The following BMPR2 variants were observed in gnomAD, a reference collection of about 807,000 sequenced individuals.
The protein encoded by BMPR2 is bone morphogenetic protein receptor type 2, also known as bone morphogenetic protein receptor type-2.
In BMPR2, 29 loss-of-function variants were observed where a neutral mutation model predicts 100.8. That is an observed-to-expected ratio of 0.29 (90% CI 0.21 to 0.39). The LOEUF is 0.39. BMPR2 is among the 10% of genes least tolerant of loss of function. The pLI, the probability that BMPR2 is intolerant of heterozygous loss-of-function variation, is 1.00. For synonymous variants in BMPR2, 382 were observed against 442.3 expected, an observed-to-expected ratio of 0.86 and a Z score of 1.71; for missense variants, 1,011 against 1,274.5, an observed-to-expected ratio of 0.79 and a Z score of 3.15.
At chr2:202,496,544 C>T (rs543494909) in intron 3 of BMPR2, among the ~76,000 whole-genome samples, 1 of 152,292 alleles carries the variant, frequency 6.6e-6, no homozygotes, top group East Asian at 1.9e-4. Flanking sequence ...ACTTCTAAAA[C>T]TTGTTCACTG....
intron 3 of BMPR2, among the ~76,000 whole-genome samples, chr2:202,506,549 C>G (rs1031621094): frequency 6.6e-6 from 1 of 152,138 alleles, no homozygotes; most frequent in East Asian, 1.9e-4. Flanking sequence ...AAGGTTCTAC[C>G]TCCATATACT....
At chr2:202,424,634 T>G (rs1308964985) in intron 1 of BMPR2, among the ~76,000 whole-genome samples, 1 of 151,930 alleles carries the variant, frequency 6.6e-6, no homozygotes, top group African/African-American at 2.4e-5. Context: ...AGGTGGAGGT[T>G]GCAGTGAGCT....
At chr2:202,424,992 T>A (rs1435442446) in intron 1 of BMPR2, among the ~76,000 whole-genome samples, 1 of 151,928 alleles carries the variant, frequency 6.6e-6, no homozygotes, top group Non-Finnish European at 1.5e-5. Flanking sequence ...GGAGTCTCGC[T>A]CTGTCGCCCG....
chr2:202,425,624 T>C (rs187064516), intron 1 of BMPR2, among the ~76,000 whole-genome samples: 2 of 152,048 alleles, frequency 1.3e-5, no homozygotes, highest in African/African-American at 4.8e-5. Flanking sequence ...TGTGGAGGAG[T>C]TGGTGAGTGG....
chr2:202,489,950 T>G (rs1414226823), intron 3 of BMPR2, among the ~76,000 whole-genome samples: 1 of 152,176 alleles, frequency 6.6e-6, no homozygotes, highest in Non-Finnish European at 1.5e-5. Context: ...AATCATAGGT[T>G]TGTAGAACAG....
At chr2:202,488,530 C>T (rs1692828058) in intron 3 of BMPR2, among the ~76,000 whole-genome samples, 1 of 152,030 alleles carries the variant, frequency 6.6e-6, no homozygotes, top group Non-Finnish European at 1.5e-5. Context: ...ATGATCATAG[C>T]TCACAGCAGC....
chr2:202,560,068 A>C lies in BMPR2; in HGVS notation c.*122A>C, dbSNP rs1008109527. 4 of 1,224,534 alleles carry C rather than the reference A, an allele frequency of 3.3e-6. No homozygotes were observed. In the Admixed American group the frequency reaches 9.2e-5, roughly 28 times the overall value. The allele number at this position is 1,224,534 out of a possible 1,614,324, so 75.9% of individuals were successfully genotyped here. Reference sequence around the variant, plus strand: ...CAGCACCCCCTCCCACCCCTGCAACAAAGACTTGCTTTAAATAGATTTCAG... The same window carrying C: ...CAGCACCCCCTCCCACCCCTGCAACCAAGACTTGCTTTAAATAGATTTCAG... On this transcript the variant is annotated 3_prime_UTR_variant, in exon 13 of 13. Coordinates refer to ENST00000374580, the MANE Select transcript of BMPR2 (RefSeq NM_001204.7).
In BMPR2 at chr2:202,520,128, G is replaced by C; in HGVS notation, c.894G>C (p.Trp298Cys). 6.2e-7 allele frequency: 1 copy of C among 1,613,332 alleles called. No homozygotes were observed. The highest frequency in any genetic ancestry group is 8.5e-7 in the Non-Finnish European group (1 of 1,179,918). Residue 298 changes from tryptophan to cysteine, a missense_variant, in exon 7 of 13, where the codon TGG becomes TGC. By Grantham distance (215) the Trp-to-Cys change is radical (BLOSUM62 -2). Transcript: ENST00000374580. The part of the protein sequence containing the change: ...CKYLSLHTSD[W>C]VSSCRLAHSV... ...ATTTAAGTCTCCACACAAGTGACTG[G>C]GTAAGCTCTTGCCGTCTTGCTCATT...
At position 202,552,467 on chromosome 2, in the gene BMPR2, C is replaced by G. The variant is rs144348878; in HGVS notation, c.1414-249C>G. On this transcript the variant is annotated intron_variant, in intron 10 of 12. Coordinates refer to ENST00000374580, the MANE Select transcript of BMPR2 (RefSeq NM_001204.7). ...TAAACCTGTGGCCTTGAAGAAACAT[C>G]TACGACTTATTGTTGCTTTTACTTT... is the stretch of plus-strand genomic sequence containing the variant. Among the ~76,000 whole-genome samples, 143 of 152,338 alleles carry G rather than the reference C, an allele frequency of 9.4e-4. 1 individual carries two copies. The Middle Eastern group carries it at 0.01, about 11-fold the overall frequency.
At chr2:202,454,718 T>A (rs1315197457) in intron 1 of BMPR2, among the ~76,000 whole-genome samples, 1 of 152,190 alleles carries the variant, frequency 6.6e-6, no homozygotes, top group Non-Finnish European at 1.5e-5. Context: ...ACAATTTTGT[T>A]TATATATAGT....
At chr2:202,535,569 C>T (rs1016559782) in intron 9 of BMPR2, among the ~76,000 whole-genome samples, 3 of 151,180 alleles carry the variant, frequency 2.0e-5, no homozygotes, top group South Asian at 2.1e-4. Context: ...GATGGGATGG[C>T]GGCCGGGCGG....
chr2:202,498,872 G>C (rs903999280), intron 3 of BMPR2, among the ~76,000 whole-genome samples: 1 of 152,090 alleles, frequency 6.6e-6, no homozygotes, highest in Non-Finnish European at 1.5e-5. Flanking sequence ...CTTACCTTAT[G>C]TTCGAGCTTT....
At chr2:202,382,046 G>GTT (rs1690310163) in intron 1 of BMPR2, among the ~76,000 whole-genome samples, 1 of 137,422 alleles carries the variant, frequency 7.3e-6, no homozygotes, top group Admixed American at 7.4e-5. Flanking sequence ...CTGGATATCA[G>GTT]TTTTTGTTTT....
chr2:202,464,094 G>T (rs1330904736), intron 1 of BMPR2, among the ~76,000 whole-genome samples: 3 of 149,010 alleles, frequency 2.0e-5, no homozygotes, highest in Non-Finnish European at 3.0e-5. Flanking sequence ...AGGAGGCAGA[G>T]GTTGCGGTGA....
intron 1 of BMPR2, among the ~76,000 whole-genome samples, chr2:202,391,791 C>G (rs1315356844): frequency 6.7e-6 from 1 of 150,370 alleles, no homozygotes; most frequent in African/African-American, 2.4e-5. Flanking sequence ...GAGATGGAGT[C>G]GCACTCTGTC....
intron 1 of BMPR2, among the ~76,000 whole-genome samples, chr2:202,451,067 A>G (rs1367800991): frequency 3.3e-5 from 5 of 152,228 alleles, no homozygotes; most frequent in Non-Finnish European, 7.3e-5. Context: ...TCCAGGGTAA[A>G]GATAAGACAT....
At chr2:202,542,242 A>G in intron 9 of BMPR2, 69 bp from the exon 10 acceptor site, 1 of 1,573,170 alleles carries the variant, frequency 6.4e-7, no homozygotes, top group Non-Finnish European at 8.7e-7. Flanking sequence ...TATCAGAAAT[A>G]CCCCTGTTAT....
chr2:202,393,394 T>C (rs1690589003), intron 1 of BMPR2, among the ~76,000 whole-genome samples: 1 of 152,192 alleles, frequency 6.6e-6, no homozygotes, highest in Non-Finnish European at 1.5e-5. Flanking sequence ...TTTGCTTTGA[T>C]CTATACTGGA....
At chr2:202,538,678 C>G (rs1688209345) in intron 9 of BMPR2, among the ~76,000 whole-genome samples, 1 of 151,098 alleles carries the variant, frequency 6.6e-6, no homozygotes, top group Non-Finnish European at 1.5e-5. Flanking sequence ...CCTGTAATCC[C>G]AGCTACTCGG....
Sources: gnomAD v4.1 joint callset for allele counts (sites outside exome capture counted in the v4.1 genomes callset) on GRCh38, gnomAD v4.1.1 for gene constraint, MANE v1.5 for transcripts, NCBI Gene and HGNC (gene_info 2026-07-23, HGNC 2026-07-21) for gene names.